The following ROS1 variants were observed in gnomAD, a reference collection of about 807,000 sequenced individuals.
ROS1 encodes proto-oncogene tyrosine-protein kinase ROS.
ROS1 carries 263 observed loss-of-function variants against 273.5 expected under a neutral mutation model. The observed-to-expected ratio is 0.96, with a 90% CI of 0.87 to 1.06. The LOEUF (loss-of-function observed/expected upper bound fraction) is 1.06, where lower values mean the gene tolerates loss of function less well. Ranked by LOEUF, ROS1 falls within the 50% of genes least tolerant of loss-of-function variation. ROS1 has a pLI of 0.00. For synonymous variants in ROS1, 1,008 were observed against 954.1 expected (o/e 1.06, Z -1.04); for missense variants, 2,833 against 2,751.1 (o/e 1.03, Z -0.67).
intron 43 of ROS1, among the ~76,000 whole-genome samples, chr6:117,296,759 A>G (rs1002713462): frequency 3.9e-5 from 6 of 152,184 alleles, no homozygotes; most frequent in Non-Finnish European, 8.8e-5. Flanking sequence ...TAGGGTAACT[A>G]TAGTCAATAA....
intron 34 of ROS1, among the ~76,000 whole-genome samples, chr6:117,325,423 G>A (rs143356527): frequency 3.4e-4 from 51 of 152,222 alleles, no homozygotes; most frequent in Non-Finnish European, 6.2e-4. Context: ...CTACAGCACA[G>A]ACATAAATAT....
chr6:117,409,762 G>T lies in ROS1; in HGVS notation c.256-120C>A, dbSNP rs145850841. On this transcript the variant is annotated intron_variant, in intron 4 of 43. Coordinates refer to ENST00000368507, the MANE Select transcript of ROS1 (RefSeq NM_001378902.1). Reference sequence around the variant, plus strand: ...GCAAGTATATCTTTGACCAATATACGAGTAAATCTTTGAAATCGGAGTGCC... The same window carrying T: ...GCAAGTATATCTTTGACCAATATACTAGTAAATCTTTGAAATCGGAGTGCC... 4.1e-6 allele frequency: 3 copies of T among 739,650 alleles called. No homozygotes were observed. The South Asian group carries it at 4.5e-5, about 11-fold the overall frequency. The allele number at this position is 739,650 out of a possible 1,614,324, so 45.8% of individuals were successfully genotyped here.
chr6:117,417,343 C>T lies in ROS1; in HGVS notation c.169-1026G>A, dbSNP rs551821416. 5.9e-5 allele frequency among the ~76,000 whole-genome samples: 9 copies of T among 152,246 alleles called. No individual in the cohort carries two copies. In the South Asian group the frequency reaches 1.7e-3, roughly 28 times the overall value. On this transcript the variant is annotated intron_variant, in intron 2 of 43. Transcript: ENST00000368507. ...CTTCTCTCACCCCACTCTCCCCTCT[C>T]ATGGAAAACCCATCACGAAGCCCTA...
At chr6:117,385,619 G>C in intron 16 of ROS1, 64 bp downstream of exon 16, 4 of 1,371,116 alleles carry the variant, frequency 2.9e-6, no homozygotes, top group Non-Finnish European at 4.0e-6. Context: ...AGAAATTGGT[G>C]TGCAAGTCAC....
chr6:117,316,975 GC>G (rs1370602388), intron 39 of ROS1, among the ~76,000 whole-genome samples, 167 bp downstream of exon 39: 1 of 152,062 alleles, frequency 6.6e-6, no homozygotes, highest in Non-Finnish European at 1.5e-5. Flanking sequence ...CAGAATGTTA[GC>G]CCAGGGTTCT....
intron 32 of ROS1, among the ~76,000 whole-genome samples, chr6:117,336,969 G>C (rs1205415269): frequency 6.6e-6 from 1 of 152,064 alleles, no homozygotes; most frequent in African/African-American, 2.4e-5. Flanking sequence ...CCCAGTTCAG[G>C]ATCCAGCCAG....
chr6:117,408,853 G>A (rs1283012368), intron 5 of ROS1, among the ~76,000 whole-genome samples: 3 of 152,118 alleles, frequency 2.0e-5, no homozygotes, highest in Non-Finnish European at 4.4e-5. Flanking sequence ...AGAAAACGTG[G>A]CACACATACA....
chr6:117,396,751 G>A (rs1773517793), intron 8 of ROS1, among the ~76,000 whole-genome samples, 164 bp downstream of exon 8: 2 of 152,092 alleles, frequency 1.3e-5, no homozygotes, highest in Admixed American at 1.3e-4. Context: ...TAATCTAATA[G>A]GCATATAAGC....
chr6:117,312,716 T>A (rs1472492494), intron 39 of ROS1, among the ~76,000 whole-genome samples: 2 of 152,066 alleles, frequency 1.3e-5, no homozygotes, highest in Non-Finnish European at 2.9e-5. Flanking sequence ...ATCCCATGTA[T>A]CAACCTGTTG....
intron 24 of ROS1, among the ~76,000 whole-genome samples, chr6:117,359,337 T>G (rs72963594): frequency 0.24 from 37,196 of 152,050 alleles, 4,708 homozygotes; most frequent in Admixed American, 0.36. Flanking sequence ...GTGCATTACA[T>G]GGATTATCTC....
chr6:117,391,161 A>T (rs1773034503), intron 12 of ROS1, among the ~76,000 whole-genome samples: 2 of 152,204 alleles, frequency 1.3e-5, no homozygotes, highest in African/African-American at 4.8e-5. Context: ...CTAGAATAAT[A>T]TCCTGAGATA....
chr6:117,312,733 C>T (rs1775635438), intron 39 of ROS1, among the ~76,000 whole-genome samples: 2 of 152,058 alleles, frequency 1.3e-5, no homozygotes, highest in Admixed American at 1.3e-4. Flanking sequence ...GTTGGGATAC[C>T]TCATCACTGC....
chr6:117,351,130 AG>A (rs1021578916), intron 27 of ROS1, among the ~76,000 whole-genome samples: 3 of 152,168 alleles, frequency 2.0e-5, no homozygotes, highest in Admixed American at 6.5e-5. Flanking sequence ...GGTAAGGTGT[AG>A]GGGAAGGGGA....
intron 13 of ROS1, 99 bp downstream of exon 13, chr6:117,389,251 C>A: frequency 1.4e-6 from 2 of 1,380,080 alleles, no homozygotes; most frequent in Non-Finnish European, 2.0e-6. Flanking sequence ...GACTGAATAG[C>A]CAAATGGGGC....
chr6:117,328,871 C>G (rs1776842958), intron 33 of ROS1: 1 of 612,990 alleles, frequency 1.6e-6, no homozygotes, highest in East Asian at 3.4e-5. Context: ...TGTGTGACCT[C>G]TACACTTCAG....
At chr6:117,408,876 G>A (rs1433986689) in intron 5 of ROS1, among the ~76,000 whole-genome samples, 1 of 152,026 alleles carries the variant, frequency 6.6e-6, no homozygotes, top group African/African-American at 2.4e-5. Flanking sequence ...ATGGAATACT[G>A]TGCAGCCATA....
chr6:117,357,008 T>C (rs1201728130), intron 25 of ROS1, 93 bp from the exon 26 acceptor site: 3 of 1,076,104 alleles, frequency 2.8e-6, no homozygotes, highest in African/African-American at 3.2e-5. Flanking sequence ...TGCTAATGAC[T>C]GTGAGGGACA....
At chr6:117,391,600 T>C (rs928189060) in intron 12 of ROS1, among the ~76,000 whole-genome samples, 4 of 152,198 alleles carry the variant, frequency 2.6e-5, no homozygotes, top group African/African-American at 9.6e-5. Flanking sequence ...GTTTCACACA[T>C]CTGATGTCCT....
At chr6:117,364,914 A>C in intron 21 of ROS1, 146 bp downstream of exon 21, 1 of 685,576 alleles carries the variant, frequency 1.5e-6, no homozygotes, top group Non-Finnish European at 2.4e-6. Flanking sequence ...ACGCTATTCT[A>C]ATCTCCAAAA....
Sources: gnomAD v4.1 joint callset for allele counts (sites outside exome capture counted in the v4.1 genomes callset) on GRCh38, gnomAD v4.1.1 for gene constraint, MANE v1.5 for transcripts, NCBI Gene and HGNC (gene_info 2026-07-23, HGNC 2026-07-21) for gene names.